The following EHBP1 variants were observed in gnomAD, a reference collection of about 807,000 sequenced individuals.
EHBP1 encodes the protein EH domain binding protein 1.
In EHBP1, 55 loss-of-function variants were observed where a neutral mutation model predicts 144.0. That is an observed-to-expected ratio of 0.38 (90% CI 0.31 to 0.48). The LOEUF (loss-of-function observed/expected upper bound fraction) is 0.48, where lower values mean the gene tolerates loss of function less well. EHBP1 is among the 20% of genes least tolerant of loss of function. EHBP1 has a pLI of 0.98. For synonymous variants in EHBP1, 469 were observed against 472.7 expected (o/e 0.99, Z 0.10); for missense variants, 1,200 against 1,364.2 (o/e 0.88, Z 1.90).
rs774715306 is a variant in EHBP1, at chr2:63,036,667, GGAGA to G, written c.3104-865_3104-862del. ...AAATTCGACTAGGTATAATTTGAAG[GGAGA>G]GAAAGGAAGCTAGGAAAATTAATAT... On this transcript the variant is annotated intron_variant, in intron 19 of 22. Coordinates refer to ENST00000431489, the MANE Select transcript of EHBP1 (RefSeq NM_001142616.3). Among the ~76,000 whole-genome samples the G allele has an allele frequency of 8.6e-5, 13 of 151,914 alleles. No homozygotes were observed. In the East Asian group the frequency reaches 1.2e-3, roughly 13 times the overall value.
intron 7 of EHBP1, among the ~76,000 whole-genome samples, chr2:62,846,075 G>A (rs1056492205): frequency 1.3e-5 from 2 of 152,170 alleles, no homozygotes; most frequent in East Asian, 1.9e-4. Context: ...TCAGAGAATA[G>A]TAACAGTAGC....
chr2:62,733,624 A>G (rs925797761), intron 2 of EHBP1, among the ~76,000 whole-genome samples: 1 of 152,172 alleles, frequency 6.6e-6, no homozygotes, highest in African/African-American at 2.4e-5. Flanking sequence ...AGTTTCTAGT[A>G]AAATAGTTTC....
Position 62,948,291 on chromosome 2 carries a change from C to T in EHBP1, c.1445C>T (p.Ser482Phe). ...AYDGFASIGI[S>F]RLLEPSDMVL... ...GATGGATTTGCCAGCATAGGAATTT[C>T]CCGATTATTGGAACCTTCTGATATG... Residue 482 changes from serine (S) to phenylalanine (F), a missense_variant, in exon 13 of 23, where the codon TCC (serine) becomes TTC (phenylalanine). Physicochemically the swap from Ser to Phe is radical, Grantham distance 155 (BLOSUM62 -2). This residue lies in a region of EHBP1 where 94 missense variants were observed against 143.0 expected (regional missense o/e 0.66). Transcript: ENST00000431489. 1 of 1,582,108 alleles carries T rather than the reference C, an allele frequency of 6.3e-7. No individual in the cohort carries two copies. Among genetic ancestry groups the T allele is most frequent in the Non-Finnish European group, 8.6e-7 (1 of 1,163,922 alleles).
At position 62,881,171 on chromosome 2, in the gene EHBP1, A is replaced by C. The variant is rs574647693; in HGVS notation, c.1185+6639A>C. ...AACCAAATACTGCATGTTGTCACTT[A>C]TAAGTAGGAGCTAAACATTAAGTAC... On this transcript the variant is annotated intron_variant, in intron 10 of 22. Transcript: ENST00000431489. Among the ~76,000 whole-genome samples, 11 of 152,244 alleles carry C rather than the reference A, an allele frequency of 7.2e-5. No individual in the cohort carries two copies. The South Asian group carries it at 2.3e-3, about 32-fold the overall frequency.
chr2:62,821,704 T>C (rs1279035596), intron 5 of EHBP1, among the ~76,000 whole-genome samples: 1 of 152,074 alleles, frequency 6.6e-6, no homozygotes, highest in Non-Finnish European at 1.5e-5. Flanking sequence ...AGCAACAACA[T>C]CAAAAGAATA....
At chr2:62,983,372 G>T (rs1342984853) in intron 15 of EHBP1, among the ~76,000 whole-genome samples, 10 of 151,952 alleles carry the variant, frequency 6.6e-5, no homozygotes, top group African/African-American at 2.4e-5. Context: ...TGCAAGGAAG[G>T]TGACTACCTT....
intron 7 of EHBP1, among the ~76,000 whole-genome samples, chr2:62,849,961 G>A (rs978015095): frequency 1.3e-5 from 2 of 152,104 alleles, no homozygotes; most frequent in African/African-American, 4.8e-5. Context: ...GAGAATAGAT[G>A]AATTCTTTCA....
intron 5 of EHBP1, among the ~76,000 whole-genome samples, chr2:62,777,354 G>C (rs569365886): frequency 6.6e-6 from 1 of 151,944 alleles, no homozygotes; most frequent in Non-Finnish European, 1.5e-5. Context: ...ATTGATGAAA[G>C]GCACCAATCA....
intron 5 of EHBP1, among the ~76,000 whole-genome samples, chr2:62,805,353 A>G (rs2044357853): frequency 6.6e-6 from 1 of 152,136 alleles, no homozygotes; most frequent in African/African-American, 2.4e-5. Context: ...TGTATCCAAT[A>G]TATGATCCAG....
intron 1 of EHBP1, among the ~76,000 whole-genome samples, chr2:62,677,487 G>T (rs1340909087): frequency 6.6e-6 from 1 of 151,946 alleles, no homozygotes; most frequent in Non-Finnish European, 1.5e-5. Flanking sequence ...TATCCTTTGT[G>T]TTACAAACAA....
chr2:62,783,281 G>T (rs937469097), intron 5 of EHBP1, among the ~76,000 whole-genome samples: 1 of 152,134 alleles, frequency 6.6e-6, no homozygotes, highest in Non-Finnish European at 1.5e-5. Flanking sequence ...GGCTTTTCCA[G>T]GTGCACAGTG....
chr2:62,860,756 A>G (rs921964473), intron 8 of EHBP1, among the ~76,000 whole-genome samples: 1 of 152,186 alleles, frequency 6.6e-6, no homozygotes, highest in African/African-American at 2.4e-5. Flanking sequence ...TTTAAAATCA[A>G]GTAAGTTTTC....
chr2:62,696,299 T>C (rs1437656573), intron 1 of EHBP1, among the ~76,000 whole-genome samples: 1 of 151,778 alleles, frequency 6.6e-6, no homozygotes, highest in Non-Finnish European at 1.5e-5. Flanking sequence ...GCCTCCCAAG[T>C]AGCTGGGATT....
At chr2:62,826,782 C>T (rs1224341688) in intron 6 of EHBP1, among the ~76,000 whole-genome samples, 1 of 152,178 alleles carries the variant, frequency 6.6e-6, no homozygotes, top group African/African-American at 2.4e-5. Context: ...TTCTTAAGCA[C>T]TGAGTCAGCA....
chr2:62,806,492 T>G (rs566566424), intron 5 of EHBP1, among the ~76,000 whole-genome samples: 1 of 152,038 alleles, frequency 6.6e-6, no homozygotes, highest in African/African-American at 2.4e-5. Flanking sequence ...CACCTCAGCC[T>G]CCTTCGTAGC....
chr2:62,810,555 A>G (rs1002215445), intron 5 of EHBP1, among the ~76,000 whole-genome samples: 1 of 152,210 alleles, frequency 6.6e-6, no homozygotes, highest in Admixed American at 6.5e-5. Flanking sequence ...AGATGAGTTC[A>G]GTTTGGCTAT....
At chr2:63,016,379 T>A (rs1377643574) in intron 19 of EHBP1, among the ~76,000 whole-genome samples, 1 of 149,778 alleles carries the variant, frequency 6.7e-6, no homozygotes, top group Non-Finnish European at 1.5e-5. Flanking sequence ...CAAGAAGTGA[T>A]AAAACTTCAT....
intron 10 of EHBP1, among the ~76,000 whole-genome samples, chr2:62,935,698 C>A (rs1019578103): frequency 2.0e-5 from 3 of 151,844 alleles, no homozygotes; most frequent in African/African-American, 7.3e-5. Flanking sequence ...CTTTTTCTGA[C>A]CTTAATGTAC....
At chr2:62,904,932 TAGAA>T (rs1336011633) in intron 10 of EHBP1, among the ~76,000 whole-genome samples, 1 of 152,108 alleles carries the variant, frequency 6.6e-6, no homozygotes, top group Non-Finnish European at 1.5e-5. Context: ...TCTAGAGAGT[TAGAA>T]AGATTACAAA....
Sources: allele counts gnomAD v4.1 joint callset (sites outside exome capture counted in the v4.1 genomes callset), GRCh38; gene constraint gnomAD v4.1.1; regional missense constraint gnomAD v4.1.1; transcripts MANE v1.5; gene names NCBI Gene and HGNC (gene_info 2026-07-23, HGNC 2026-07-21).